The following AGAP1 variants were observed in gnomAD, a reference collection of about 807,000 sequenced individuals.
The protein encoded by AGAP1 is ArfGAP with GTPase domain, ankyrin repeat and PH domain 1.
AGAP1 carries 29 observed loss-of-function variants against 105.3 expected under a neutral mutation model. The observed-to-expected ratio is 0.28, with a 90% CI of 0.21 to 0.38. AGAP1 has a LOEUF of 0.38. Ranked by LOEUF, AGAP1 falls within the 10% of genes least tolerant of loss-of-function variation. AGAP1 has a pLI of 1.00. For synonymous variants in AGAP1, 509 were observed against 485.9 expected, an observed-to-expected ratio of 1.05 and a Z score of -0.63; for missense variants, 998 against 1,165.1, an observed-to-expected ratio of 0.86 and a Z score of 2.09.
At chr2:235,947,063 T>G (rs762882733) in intron 12 of AGAP1, among the ~76,000 whole-genome samples, 1 of 152,202 alleles carries the variant, frequency 6.6e-6, no homozygotes, top group Non-Finnish European at 1.5e-5. Flanking sequence ...GAAATGTGAT[T>G]CCTTTTTTCT....
chr2:235,544,206 C>T (rs1323297797), intron 1 of AGAP1, among the ~76,000 whole-genome samples: 1 of 152,142 alleles, frequency 6.6e-6, no homozygotes, highest in African/African-American at 2.4e-5. Flanking sequence ...TATGACTTTC[C>T]CTGGTTTTCA....
At chr2:236,047,276 G>A (rs186345324) in intron 15 of AGAP1, among the ~76,000 whole-genome samples, 1 of 152,244 alleles carries the variant, frequency 6.6e-6, no homozygotes, top group East Asian at 1.9e-4. Context: ...CTGGTTGTCA[G>A]TGATCCGGAG....
intron 1 of AGAP1, among the ~76,000 whole-genome samples, chr2:235,674,078 A>G (rs1285462829): frequency 6.6e-6 from 1 of 152,200 alleles, no homozygotes; most frequent in Non-Finnish European, 1.5e-5. Context: ...GGATTGGAGC[A>G]CCTACCTTTT....
At chr2:235,949,368 T>C (rs558569012) in intron 12 of AGAP1, among the ~76,000 whole-genome samples, 1 of 152,282 alleles carries the variant, frequency 6.6e-6, no homozygotes, top group South Asian at 2.1e-4. Context: ...TGAAGTTGAA[T>C]TGGTAAGAAG....
Position 235,552,287 on chromosome 2 carries a change from C to T in AGAP1, c.163+57438C>T, listed in dbSNP as rs554695198. On this transcript the variant is annotated intron_variant, in intron 1 of 17. Transcript: ENST00000304032. This position sits in a 1 kb window ranked among gnomAD's most constrained non-coding sequence, Gnocchi z 5.9. Reference sequence around the variant, plus strand: ...GCAGGAAAGAGAGAGACATTGGTGCCAAGAAATCCTATCGGGGACATTTAA... The same window carrying T: ...GCAGGAAAGAGAGAGACATTGGTGCTAAGAAATCCTATCGGGGACATTTAA... Among the ~76,000 whole-genome samples, 2 of 152,294 alleles carry T rather than the reference C, an allele frequency of 1.3e-5. No homozygotes were observed. Among genetic ancestry groups the T allele is most frequent in the African/African-American group, 4.8e-5 (2 of 41,560 alleles).
rs1175212051 is a variant in AGAP1, at chr2:235,689,551, C to T, written c.164-19628C>T. The stretch of plus-strand genomic sequence containing the variant: ...CTGTGTGGTGGGGAATTCTGAAAGT[C>T]TTAAGTCTGTTTCTCAACTCCCCTC... On this transcript the variant is annotated intron_variant, in intron 1 of 17. Transcript: ENST00000304032. This position sits in a 1 kb window ranked among gnomAD's most constrained non-coding sequence, Gnocchi z 4.2. 6.6e-6 allele frequency among the ~76,000 whole-genome samples: 1 copy of T among 152,008 alleles called. No individual in the cohort carries two copies. The highest frequency in any genetic ancestry group is 1.5e-5 in the Non-Finnish European group (1 of 68,032).
At position 235,686,637 on chromosome 2, in the gene AGAP1, ATATATATAGATATATATATATATATATAT is replaced by A. The variant is rs1178936337; in HGVS notation, c.164-22540_164-22512del. On this transcript the variant is annotated intron_variant, in intron 1 of 17. Coordinates refer to ENST00000304032, the MANE Select transcript of AGAP1 (RefSeq NM_001037131.3). ...GAGATATAGATATATATATATATAT[ATATATATAGATATATATATATATATATAT>A]TTTTTTTTTTTTTTAGACAGAGTCT... Among the ~76,000 whole-genome samples, 192 of 51,702 alleles carry A rather than the reference ATATATATAGATATATATATATATATATAT, an allele frequency of 3.7e-3. 7 individuals are homozygous for A. Among genetic ancestry groups the A allele is most frequent in the South Asian group, 0.017 (26 of 1,504 alleles). The allele number at this position is 51,702 out of a possible 152,430, so 33.9% of individuals were successfully genotyped here.
chr2:235,790,763 A>G (rs12474606), intron 6 of AGAP1, among the ~76,000 whole-genome samples: 39,335 of 152,086 alleles, frequency 0.26, 5,452 homozygotes, highest in Admixed American at 0.4. Flanking sequence ...GTGCCCACTG[A>G]GTGTCAGGCA....
Position 236,096,674 on chromosome 2 carries a change from G to A in AGAP1, c.2115-23518G>A, listed in dbSNP as rs1481283151. 8.6e-5 allele frequency among the ~76,000 whole-genome samples: 13 copies of A among 151,898 alleles called. No homozygotes were observed. The highest frequency in any genetic ancestry group is 1.6e-4 in the Non-Finnish European group (11 of 67,994). On this transcript the variant is annotated intron_variant, in intron 16 of 17. Transcript: ENST00000304032. This position sits in a 1 kb window ranked among gnomAD's most constrained non-coding sequence, Gnocchi z 4.4. ...TCTCACTGCAACCTCTGCCTCCCCG[G>A]TTCAAGTGATTCTTCTGCCTCGGCC... is the stretch of plus-strand genomic sequence containing the variant.
Position 235,842,786 on chromosome 2 carries a change from G to A in AGAP1, c.1050+35455G>A, listed in dbSNP as rs1323536848. On this transcript the variant is annotated intron_variant, in intron 9 of 17. Coordinates refer to ENST00000304032, the MANE Select transcript of AGAP1 (RefSeq NM_001037131.3). This position sits in a 1 kb window ranked among gnomAD's most constrained non-coding sequence, Gnocchi z 5.3. ...TCTGTCACCCAGGCCCGAGTGCAGT[G>A]GCACGGTCTTGGTTCACTGCAACCT... 6.6e-6 allele frequency among the ~76,000 whole-genome samples: 1 copy of A among 152,102 alleles called. No homozygotes were observed. Among genetic ancestry groups the A allele is most frequent in the East Asian group, 1.9e-4 (1 of 5,168 alleles).
chr2:235,784,083 T>C (rs990015006), intron 6 of AGAP1, among the ~76,000 whole-genome samples: 13 of 152,204 alleles, frequency 8.5e-5, no homozygotes, highest in Admixed American at 2.6e-4. Context: ...AGGTGTTCGC[T>C]TTCAAATTTT....
rs576130262 is a variant in AGAP1 at position 235,647,005 on chromosome 2, A to G, written c.164-62174A>G. Among the ~76,000 whole-genome samples, 475 of 151,970 alleles carry G rather than the reference A, an allele frequency of 3.1e-3. 2 individuals are homozygous for G. Among genetic ancestry groups the G allele is most frequent in the African/African-American group, 0.01 (435 of 41,476 alleles). ...CAAAAAATTAGCTGGGCGTGGTGGC[A>G]GGCGCCTGTAGTCCCAGCTACTCGG... On this transcript the variant is annotated intron_variant, in intron 1 of 17. Coordinates refer to ENST00000304032, the MANE Select transcript of AGAP1 (RefSeq NM_001037131.3).
intron 1 of AGAP1, among the ~76,000 whole-genome samples, chr2:235,515,278 C>T (rs1035086083): frequency 1.3e-5 from 2 of 152,034 alleles, no homozygotes; most frequent in African/African-American, 2.4e-5. Context: ...AACCATGGGC[C>T]CAGGGGACAG....
At position 236,012,464 on chromosome 2, in the gene AGAP1, A is replaced by G. The variant is rs1291886418; in HGVS notation, c.1646-24097A>G. 1.3e-5 allele frequency among the ~76,000 whole-genome samples: 2 copies of G among 152,182 alleles called. No homozygotes were observed. Among genetic ancestry groups the G allele is most frequent in the Non-Finnish European group, 2.9e-5 (2 of 68,034 alleles). ...AAATTAAGCCCATGCCTAATTCTGC[A>G]TCATCATGCCTGGGGCCCCTGGTAC... On this transcript the variant is annotated intron_variant, in intron 13 of 17. Coordinates refer to ENST00000304032, the MANE Select transcript of AGAP1 (RefSeq NM_001037131.3). This position sits in a 1 kb window ranked among gnomAD's most constrained non-coding sequence, Gnocchi z 4.9.
chr2:236,031,197 G>A (rs140818140), intron 13 of AGAP1, among the ~76,000 whole-genome samples: 10 of 152,202 alleles, frequency 6.6e-5, no homozygotes, highest in African/African-American at 2.2e-4. Flanking sequence ...TCTAAGCTTC[G>A]GAAGGAAAGG....
At chr2:235,571,766 C>T (rs572585162) in intron 1 of AGAP1, among the ~76,000 whole-genome samples, 1 of 151,960 alleles carries the variant, frequency 6.6e-6, no homozygotes, top group South Asian at 2.1e-4. Flanking sequence ...CTTCACTTCC[C>T]CAACAGAGTG....
intron 16 of AGAP1, among the ~76,000 whole-genome samples, chr2:236,065,951 G>A (rs867534249): frequency 4.6e-5 from 7 of 152,244 alleles, no homozygotes; most frequent in African/African-American, 1.7e-4. Flanking sequence ...GGGAGTAGCT[G>A]TCTGATGGCC....
intron 12 of AGAP1, among the ~76,000 whole-genome samples, chr2:235,939,160 G>A (rs1456602347): frequency 6.6e-6 from 1 of 152,166 alleles, no homozygotes; most frequent in African/African-American, 2.4e-5. Context: ...GTAGTATGAT[G>A]CAGTGAGACA....
intron 1 of AGAP1, among the ~76,000 whole-genome samples, chr2:235,624,577 G>A (rs562296559): frequency 1.8e-4 from 28 of 152,118 alleles, no homozygotes; most frequent in Non-Finnish European, 3.4e-4. Flanking sequence ...TCTGTTCTGT[G>A]TGCTGTAAAG....
Sources: gnomAD v4.1 joint callset for allele counts (sites outside exome capture counted in the v4.1 genomes callset) on GRCh38, gnomAD v4.1.1 for gene constraint, Gnocchi (gnomAD v3.1) non-coding constraint, MANE v1.5 for transcripts, NCBI Gene and HGNC (gene_info 2026-07-23, HGNC 2026-07-21) for gene names.